Variants in EXOC2 observed in about 807,000 individuals in gnomAD.
The protein encoded by EXOC2 is exocyst complex component 2.
A neutral mutation model predicts 131.8 loss-of-function variants in EXOC2; 70 were observed. The observed-to-expected ratio is 0.53, with a 90% CI of 0.44 to 0.65. The LOEUF (loss-of-function observed/expected upper bound fraction) is 0.65. Ranked by LOEUF, EXOC2 falls within the 30% of genes least tolerant of loss-of-function variation. EXOC2 has a pLI of 0.00. For synonymous variants in EXOC2, 411 were observed against 398.4 expected, an observed-to-expected ratio of 1.03 and a Z score of -0.38; for missense variants, 923 against 1,108.6, an observed-to-expected ratio of 0.83 and a Z score of 2.38.
At chr6:665,438 T>C (rs891095449) in intron 1 of EXOC2, among the ~76,000 whole-genome samples, 1 of 152,210 alleles carries the variant, frequency 6.6e-6, no homozygotes, top group African/African-American at 2.4e-5. Flanking sequence ...ACTGGGTATC[T>C]ACCCAGAAGA....
Position 532,471 on chromosome 6 carries a change from G to C in EXOC2, c.2378C>G (p.Thr793Arg). 1 of 1,586,958 alleles carries C rather than the reference G, an allele frequency of 6.3e-7. No homozygotes were observed. The highest frequency in any genetic ancestry group is 8.5e-7 in the Non-Finnish European group (1 of 1,171,092). ...YFDWKDCLPP[T>R]GVRNYLKEAL... ...ACTCAAGAAACTTTATTACTTACCT[G>C]TTGGAGGCAGGCAGTCCTTCCAATC... Residue 793 changes from threonine (T) to arginine (R), a missense_variant and splice_region_variant, in exon 23 of 28, where the codon ACA (threonine) becomes AGA (arginine). Transcript: ENST00000230449.
chr6:570,423 G>A (rs901486052), intron 13 of EXOC2, among the ~76,000 whole-genome samples: 5 of 152,294 alleles, frequency 3.3e-5, no homozygotes, highest in East Asian at 3.9e-4. Flanking sequence ...ATGAGCCACC[G>A]CGCCTGGCCC....
intron 1 of EXOC2, among the ~76,000 whole-genome samples, chr6:659,740 C>T (rs1458117239): frequency 1.3e-5 from 2 of 152,200 alleles, no homozygotes; most frequent in Admixed American, 6.5e-5. Flanking sequence ...GCCATTCCTG[C>T]CTGGCACCAC....
intron 25 of EXOC2, among the ~76,000 whole-genome samples, chr6:492,201 C>T (rs142502880): frequency 0.013 from 1,994 of 152,280 alleles, 22 homozygotes; most frequent in Middle Eastern, 0.037. Flanking sequence ...GAAAGGACGA[C>T]CCACAGAATG....
chr6:604,796 C>T (rs939560712), intron 7 of EXOC2, among the ~76,000 whole-genome samples: 32 of 147,226 alleles, frequency 2.2e-4, no homozygotes, highest in African/African-American at 6.3e-4. Context: ...GCGCTGGCCC[C>T]GCGGGGACAC....
Position 489,038 on chromosome 6 carries a change from C to T in EXOC2, c.2622G>A (p.Lys874=), listed in dbSNP as rs767679979. 1.9e-6 allele frequency: 3 copies of T among 1,613,836 alleles called. No homozygotes were observed. The highest frequency in any genetic ancestry group is 2.5e-6 in the Non-Finnish European group (3 of 1,179,828). Residue 874 remains lysine (K), a splice_region_variant and synonymous_variant, in exon 27 of 28, where the codon AAG becomes AAA. Coordinates refer to ENST00000230449, the MANE Select transcript of EXOC2 (RefSeq NM_018303.6). ...CTTCCAAAGCCTGCTTAAAACTTGA[C>T]CTGAAACACAAACAGCCACACTGAA... ...TVAVYLTPES[K]SSFKQALEAL... is the part of the protein sequence containing the mutation.
At chr6:603,200 A>G (rs1057008157) in intron 7 of EXOC2, among the ~76,000 whole-genome samples, 2 of 152,176 alleles carry the variant, frequency 1.3e-5, no homozygotes, top group African/African-American at 4.8e-5. Context: ...CCACCACAGC[A>G]CAATGTATCC....
chr6:686,886 C>T (rs189639177), intron 1 of EXOC2, among the ~76,000 whole-genome samples: 4 of 152,064 alleles, frequency 2.6e-5, no homozygotes, highest in African/African-American at 4.8e-5. Flanking sequence ...CCCCTCCATC[C>T]ACCCCCAACA....
At chr6:518,819 G>C (rs900036336) in intron 23 of EXOC2, among the ~76,000 whole-genome samples, 3 of 152,114 alleles carry the variant, frequency 2.0e-5, no homozygotes, top group African/African-American at 7.2e-5. Flanking sequence ...TTGCTTTAAA[G>C]AGATTAAGTA....
chr6:517,260 A>G (rs1484738672), intron 23 of EXOC2, among the ~76,000 whole-genome samples: 1 of 152,188 alleles, frequency 6.6e-6, no homozygotes, highest in Non-Finnish European at 1.5e-5. Flanking sequence ...TGAGTGTGGA[A>G]CATGGCACCC....
intron 22 of EXOC2, among the ~76,000 whole-genome samples, chr6:543,447 C>T (rs192308130): frequency 5.3e-5 from 8 of 152,060 alleles, no homozygotes; most frequent in East Asian, 1.9e-4. Flanking sequence ...TGGTAGTTAC[C>T]GGGGGCTGAG....
At chr6:626,049 T>TAA (rs1418323223) in intron 4 of EXOC2, among the ~76,000 whole-genome samples, 1 of 151,766 alleles carries the variant, frequency 6.6e-6, no homozygotes, top group Non-Finnish European at 1.5e-5. Context: ...CTTTTTGGTT[T>TAA]AAATAGTTTG....
chr6:668,699 C>T (rs9405291), intron 1 of EXOC2, among the ~76,000 whole-genome samples: 2 of 151,960 alleles, frequency 1.3e-5, no homozygotes, highest in African/African-American at 4.8e-5. Flanking sequence ...ACCAGTAATT[C>T]GTCCTAAGGC....
intron 18 of EXOC2, 118 bp from the exon 19 acceptor site, chr6:556,131 T>C (rs1002868167): frequency 7.5e-6 from 7 of 929,248 alleles, no homozygotes. Context: ...GTGCCCTTCC[T>C]ATAAAAGGAG....
At chr6:555,081 C>T (rs112139892) in intron 20 of EXOC2, 146 bp downstream of exon 20, 5 of 429,514 alleles carry the variant, frequency 1.2e-5, no homozygotes, top group Admixed American at 4.3e-5. Flanking sequence ...GAATATAGGT[C>T]GAATATAAAA....
rs200379143 is a variant in EXOC2 at position 656,797 on chromosome 6, G to A, written c.-43-18936C>T. The A allele has an allele frequency of 7.5e-6, 12 of 1,604,880 alleles. No individual in the cohort carries two copies. In the African/African-American group the frequency reaches 1.6e-4, roughly 21 times the overall value. On this transcript the variant is annotated intron_variant, in intron 1 of 27. Coordinates refer to ENST00000230449, the MANE Select transcript of EXOC2 (RefSeq NM_018303.6). ...ACCTCGCACCACAGCCTGGCCTCGT[G>A]GAGGCCGCCGGAACCCGCGGGGCCG...
At chr6:600,453 A>T (rs541022792) in intron 7 of EXOC2, among the ~76,000 whole-genome samples, 8 of 152,242 alleles carry the variant, frequency 5.3e-5, no homozygotes, top group Non-Finnish European at 1.2e-4. Flanking sequence ...CTTAAAAAAT[A>T]TAAATTTCAA....
chr6:662,317 T>C (rs1763458379), intron 1 of EXOC2, among the ~76,000 whole-genome samples: 2 of 152,148 alleles, frequency 1.3e-5, no homozygotes, highest in African/African-American at 2.4e-5. Flanking sequence ...AACAGATATA[T>C]ACAAAACATT....
intron 25 of EXOC2, among the ~76,000 whole-genome samples, chr6:493,515 A>G (rs1233407577): frequency 3.3e-5 from 5 of 152,264 alleles, no homozygotes; most frequent in Non-Finnish European, 5.9e-5. Flanking sequence ...AGTTATGCCA[A>G]TTATAAAAAC....
Sources: allele counts gnomAD v4.1 joint callset (sites outside exome capture counted in the v4.1 genomes callset), GRCh38; gene constraint gnomAD v4.1.1; transcripts MANE v1.5; gene names NCBI Gene and HGNC (gene_info 2026-07-23, HGNC 2026-07-21).